Variants in BRCA2 observed in about 807,000 individuals in gnomAD.
BRCA2 encodes breast cancer type 2 susceptibility protein.
Under a neutral mutation model 276.7 loss-of-function variants are expected in BRCA2, and 203 were observed. The ratio of observed to expected loss-of-function variants is 0.73; its 90% CI spans 0.65 to 0.82. BRCA2 has a LOEUF of 0.82. BRCA2 is among the 40% of genes least tolerant of loss of function. The probability of loss-of-function intolerance (pLI) is 0.00; values close to 1 mark genes in which losing one functional copy is unlikely to be tolerated. For missense variants in BRCA2, 3,920 were observed against 3,915.0 expected (o/e 1.00, Z -0.03); for synonymous variants, 1,289 against 1,338.4 (o/e 0.96, Z 0.81).
At chr13:32,378,196 A>AG (rs1411325733) in intron 21 of BRCA2, among the ~76,000 whole-genome samples, 1 of 152,180 alleles carries the variant, frequency 6.6e-6, no homozygotes, top group South Asian at 2.1e-4. Context: ...TCTGGACATA[A>AG]GGGGGCAGAA....
intron 7 of BRCA2, among the ~76,000 whole-genome samples, chr13:32,328,855 ATGTGTGTGTGCAGTCATAAAGTGTGTG>A (rs1444850705): frequency 1.3e-5 from 2 of 151,426 alleles, no homozygotes; most frequent in African/African-American, 4.8e-5. Context: ...TTGTGTGCCC[ATGTGTGTGTGCAGTCATAAAGTGTGTG>A]TGTGTGTGTG....
Position 32,356,585 on chromosome 13 carries a change from T to A in BRCA2, c.7593T>A (p.Val2531=), listed in dbSNP as rs206095. 6.2e-7 allele frequency: 1 copy of A among 1,614,212 alleles called. No homozygotes were observed. The highest frequency in any genetic ancestry group is 8.5e-7 in the Non-Finnish European group (1 of 1,180,040). ...TGAAAGCAGCAGTAGGAGGCCAAGT[T>A]CCCTCTGCGTGTTCTCATAAACAGG... ...ISLKAAVGGQ[V]PSACSHKQLY... is the part of the protein sequence containing the mutation. Residue 2531 remains valine (V), a synonymous_variant, in exon 15 of 27, where the codon GTT becomes GTA. Transcript: ENST00000380152.
chr13:32,398,873 A>G lies in BRCA2; in HGVS notation c.*103A>G, dbSNP rs759784045. 4.2e-6 allele frequency: 6 copies of G among 1,430,062 alleles called. No individual in the cohort carries two copies. Among genetic ancestry groups the G allele is most frequent in the African/African-American group, 1.5e-5 (1 of 68,620 alleles). The allele number at this position is 1,430,062 out of a possible 1,614,324, so 88.6% of individuals were successfully genotyped here. ...ACATTAGTACTTATGTTGCACAATG[A>G]GAAAAGAAATTAGTTTCAAATTTAC... On this transcript the variant is annotated 3_prime_UTR_variant, in exon 27 of 27. Transcript: ENST00000380152.
chr13:32,372,153 A>G (rs1391408282), intron 20 of BRCA2, among the ~76,000 whole-genome samples: 1 of 152,262 alleles, frequency 6.6e-6, no homozygotes, highest in African/African-American at 2.4e-5. Flanking sequence ...TATCCATGGT[A>G]GAACTGCTTT....
chr13:32,352,013 G>T (rs760024287), intron 13 of BRCA2, among the ~76,000 whole-genome samples: 2 of 152,110 alleles, frequency 1.3e-5, no homozygotes, highest in African/African-American at 2.4e-5. Flanking sequence ...GTGTTAGCCA[G>T]GATGGTCTGG....
chr13:32,335,690 C>T (rs535127323), intron 10 of BRCA2, among the ~76,000 whole-genome samples: 74 of 151,716 alleles, frequency 4.9e-4, no homozygotes, highest in African/African-American at 1.8e-3. Flanking sequence ...TAGCTAGCTA[C>T]TTCCTTGACC....
chr13:32,398,123 A>G (rs373472929), intron 26 of BRCA2, 39 bp from the exon 27 acceptor site: 2 of 1,570,066 alleles, frequency 1.3e-6, no homozygotes, highest in African/African-American at 1.4e-5. Context: ...TTATGTTACT[A>G]CATAATTATG....
At chr13:32,349,172 G>A (rs541440393) in intron 13 of BRCA2, among the ~76,000 whole-genome samples, 2 of 141,986 alleles carry the variant, frequency 1.4e-5, no homozygotes, top group East Asian at 4.1e-4. Flanking sequence ...TGGTAAAATT[G>A]CACCACTGCA....
chr13:32,316,471 G>A lies in BRCA2; in HGVS notation c.11G>A (p.Gly4Glu), dbSNP rs587782137. The A allele has an allele frequency of 6.2e-7, 1 of 1,613,770 alleles. No homozygotes were observed. Among genetic ancestry groups the A allele is most frequent in the Admixed American group, 1.7e-5 (1 of 59,982 alleles). The change falls in exon 2 of 27, where the codon GGA (glycine) becomes GAA (glutamate). Residue 4 changes from glycine (G) to glutamate (E), a missense_variant. Gly to Glu is a moderately conservative substitution (Grantham distance 98, BLOSUM62 -2). This residue lies in a region of BRCA2 where 3,263 missense variants were observed against 3,156.9 expected (regional missense o/e 1.03). Transcript: ENST00000380152. Reference protein sequence around the residue: MPIGSKERPTFFEI... With the variant: MPIESKERPTFFEI... ...ATATCGTAGGTAAAAATGCCTATTG[G>A]ATCCAAAGAGAGGCCAACATTTTTT...
chr13:32,329,373 A>G, intron 7 of BRCA2, 70 bp from the exon 8 acceptor site: 1 of 1,076,132 alleles, frequency 9.3e-7, no homozygotes, highest in Non-Finnish European at 1.4e-6. Context: ...GTGCTTTTTG[A>G]TGTCTGACAA....
chr13:32,368,654 T>G (rs567363538), intron 18 of BRCA2, among the ~76,000 whole-genome samples: 1 of 151,972 alleles, frequency 6.6e-6, no homozygotes, highest in Admixed American at 6.6e-5. Flanking sequence ...AGTAATGTAG[T>G]GATTTAGTTT....
At chr13:32,373,432 G>T (rs1190094339) in intron 20 of BRCA2, among the ~76,000 whole-genome samples, 1 of 151,904 alleles carries the variant, frequency 6.6e-6, no homozygotes, top group Non-Finnish European at 1.5e-5. Context: ...CTTGAATCCA[G>T]GAGGCAGAGA....
intron 18 of BRCA2, among the ~76,000 whole-genome samples, chr13:32,369,060 G>A (rs901998129): frequency 1.3e-5 from 2 of 151,894 alleles, no homozygotes; most frequent in Admixed American, 6.6e-5. Context: ...CACCCGCCTC[G>A]GCCTCCCAAA....
At chr13:32,387,974 C>T (rs760246726) in intron 24 of BRCA2, among the ~76,000 whole-genome samples, 10 of 152,132 alleles carry the variant, frequency 6.6e-5, no homozygotes, top group East Asian at 3.9e-4. Context: ...ACCGGTCTCC[C>T]GCGTCTTGAT....
intron 21 of BRCA2, among the ~76,000 whole-genome samples, chr13:32,378,550 A>G (rs1407067730): frequency 6.6e-6 from 1 of 152,216 alleles, no homozygotes; most frequent in East Asian, 1.9e-4. Context: ...CAGAGATTGG[A>G]TAGTCTCCCT....
intron 20 of BRCA2, among the ~76,000 whole-genome samples, chr13:32,376,091 G>T (rs1703026380): frequency 1.3e-5 from 2 of 152,024 alleles, no homozygotes; most frequent in Non-Finnish European, 2.9e-5. Flanking sequence ...TTAAAAAAAT[G>T]CAGTATCTAT....
intron 24 of BRCA2, among the ~76,000 whole-genome samples, chr13:32,392,519 G>A (rs2073003750): frequency 1.3e-5 from 2 of 151,728 alleles, no homozygotes; most frequent in Non-Finnish European, 2.9e-5. Context: ...GAACCCGGGA[G>A]GCGGGGGCTG....
Position 32,338,189 on chromosome 13 carries a change from T to C in BRCA2, c.3834T>C (p.His1278=). The change falls in exon 11 of 27, where the codon CAT becomes CAC. Residue 1278 remains histidine, a synonymous_variant. Transcript: ENST00000380152. ...SVVSMFKIEN[H]NDKTVSEKNN... ...TTTCAATGTTTAAGATAGAAAATCA[T>C]AATGATAAAACTGTAAGTGAAAAAA... The C allele has an allele frequency of 6.4e-7, 1 of 1,565,268 alleles. No homozygotes were observed. Among genetic ancestry groups the C allele is most frequent in the Non-Finnish European group, 8.7e-7 (1 of 1,155,006 alleles).
intron 2 of BRCA2, among the ~76,000 whole-genome samples, chr13:32,317,633 A>C (rs1209164875): frequency 2.0e-5 from 3 of 152,246 alleles, no homozygotes; most frequent in Non-Finnish European, 4.4e-5. Context: ...GATAAATTGC[A>C]TTAAACTATT....
Sources: allele counts gnomAD v4.1 joint callset (sites outside exome capture counted in the v4.1 genomes callset), GRCh38; gene constraint gnomAD v4.1.1; regional missense constraint gnomAD v4.1.1; transcripts MANE v1.5; gene names NCBI Gene and HGNC (gene_info 2026-07-23, HGNC 2026-07-21).